MYO15B: variants seen among roughly 807,000 people sequenced by gnomAD.
The protein encoded by MYO15B is myosin XVB pseudogene.
Under a neutral mutation model 119.3 loss-of-function variants are expected in MYO15B, and 207 were observed. The ratio of observed to expected loss-of-function variants is 1.73; its 90% CI spans 1.55 to 1.95. The LOEUF (loss-of-function observed/expected upper bound fraction) is 1.95. Among genes scored for constraint, MYO15B ranks in the 30% most tolerant of loss-of-function variants. MYO15B has a pLI of 0.00. For missense variants in MYO15B, 2,264 were observed against 1,203.1 expected (o/e 1.88, Z -13.04); for synonymous variants, 966 against 498.9 (o/e 1.94, Z -12.48).
exon 20 of MYO15B, chr17:75,605,514 C>T (rs2057585173): frequency 1.4e-6 from 1 of 702,776 alleles, no homozygotes; most frequent in African/African-American, 1.7e-5. Context: ...CTTCCAGGCC[C>T]TGGGGTCAGA....
intron 29 of MYO15B, 71 bp from the exon 30 acceptor site, chr17:75,614,128 T>C (rs2058209528): frequency 1.5e-6 from 1 of 676,224 alleles, no homozygotes; most frequent in Non-Finnish European, 2.7e-6. Flanking sequence ...CCTGCCCCCT[T>C]GGCCCACCCT....
intron 1 of MYO15B, 186 bp from the exon 2 acceptor site, chr17:75,590,440 C>A (rs1341295250): frequency 5.0e-6 from 2 of 397,142 alleles, no homozygotes; most frequent in Admixed American, 4.4e-5. Flanking sequence ...TAGTACAAAG[C>A]TTCCTTCTGG....
chr17:75,614,736 C>T (rs1395088810), intron 31 of MYO15B, 37 bp from the exon 32 acceptor site: 7 of 702,624 alleles, frequency 1.0e-5, no homozygotes, highest in African/African-American at 5.2e-5. Flanking sequence ...AGCCCCACGC[C>T]CCGGGCCATG....
chr17:75,620,798 C>G, intron 49 of MYO15B, 162 bp downstream of exon 49: 1 of 701,818 alleles, frequency 1.4e-6, no homozygotes, highest in Non-Finnish European at 2.6e-6. Context: ...CCTTGTCTCT[C>G]CAGCAAGACT....
At chr17:75,588,241 A>C in exon 1 of MYO15B, 1 of 398,062 alleles carries the variant, frequency 2.5e-6, no homozygotes. Flanking sequence ...GGGCCAGGGA[A>C]CCCCTGGTGG....
chr17:75,617,775 C>T, intron 41 of MYO15B, 35 bp from the exon 42 acceptor site: 1 of 688,466 alleles, frequency 1.5e-6, no homozygotes. Flanking sequence ...TCTGCAGCCC[C>T]TCACTGAGGC....
At chr17:75,593,373 A>C (rs1448205372) in intron 9 of MYO15B, among the ~76,000 whole-genome samples, 1 of 152,016 alleles carries the variant, frequency 6.6e-6, no homozygotes, top group Non-Finnish European at 1.5e-5. Flanking sequence ...CAAGGCGAGC[A>C]GATCACTTGA....
At chr17:75,614,734 G>A (rs541164939) in intron 31 of MYO15B, 39 bp from the exon 32 acceptor site, 29 of 702,674 alleles carry the variant, frequency 4.1e-5, no homozygotes, top group East Asian at 1.1e-4. Flanking sequence ...GAAGCCCCAC[G>A]CCCCGGGCCA....
exon 6 of MYO15B, chr17:75,592,066 C>G (rs1339300346): frequency 1.4e-6 from 1 of 702,876 alleles, no homozygotes; most frequent in South Asian, 1.5e-5. Context: ...AGGTCTTCTG[C>G]CTCTACCTAC....
chr17:75,626,720 T>G (rs1169626103), exon 64 of MYO15B: 2 of 572,126 alleles, frequency 3.5e-6, no homozygotes, highest in Admixed American at 6.3e-5. Flanking sequence ...GGAACTCGGC[T>G]GGGGCACCTG....
chr17:75,602,563 TG>T lies in MYO15B; in HGVS notation c.3700del (p.Val1234TrpfsTer44), dbSNP rs2057352672. On this transcript the variant is annotated frameshift_variant, in exon 16 of 64. Coordinates refer to ENST00000645453, the Ensembl canonical transcript of MYO15B. LOFTEE classifies it high-confidence loss of function. ...AACCGGGATCAGCTGGACCCTGCTG[TG>T]GTGGAGATGCTTGGCCAGAGCCAGC... 1.4e-6 allele frequency: 1 copy of T among 691,450 alleles called. No homozygotes were observed. Among genetic ancestry groups the T allele is most frequent in the Non-Finnish European group, 2.6e-6 (1 of 378,438 alleles). 42.8% of individuals were successfully genotyped at this position (691,450 alleles called of 1,614,324 possible).
exon 34 of MYO15B, chr17:75,615,246 C>A (rs1163202907): frequency 1.4e-6 from 1 of 702,490 alleles, no homozygotes; most frequent in Non-Finnish European, 2.6e-6. Context: ...TCAGTGTACC[C>A]AGGAATGATT....
exon 37 of MYO15B, chr17:75,616,081 G>A (rs548338589): frequency 8.6e-6 from 5 of 579,466 alleles, no homozygotes; most frequent in Admixed American, 6.7e-5. Flanking sequence ...GACCTCCGAG[G>A]AGGCTGAAGA....
At chr17:75,594,816 C>T in intron 11 of MYO15B, 24 bp from the exon 12 acceptor site, 1 of 702,610 alleles carries the variant, frequency 1.4e-6, no homozygotes, top group Non-Finnish European at 2.6e-6. Flanking sequence ...CTCTATGTGG[C>T]TCACCCACCC....
chr17:75,605,502 A>T lies in MYO15B; in HGVS notation c.4017-2A>T, dbSNP rs2147895942. 4.3e-6 allele frequency: 3 copies of T among 702,046 alleles called. No homozygotes were observed. Among genetic ancestry groups the T allele is most frequent in the Middle Eastern group, 2.3e-4 (1 of 4,262 alleles). 43.5% of individuals were successfully genotyped at this position (702,046 alleles called of 1,614,324 possible). ...CTGATCTCAGCTCCATCCTTGGAGCAGCTTCCAGGCCCTGGGGTCAGAAGG... is the reference window on the plus strand; with the variant it reads ...CTGATCTCAGCTCCATCCTTGGAGCTGCTTCCAGGCCCTGGGGTCAGAAGG... On this transcript the variant is annotated splice_acceptor_variant, in intron 19 of 63. Coordinates refer to ENST00000645453, the Ensembl canonical transcript of MYO15B. LOFTEE classifies it high-confidence loss of function.
chr17:75,616,483 G>A, intron 38 of MYO15B, 37 bp downstream of exon 38: 1 of 677,292 alleles, frequency 1.5e-6, no homozygotes, highest in Non-Finnish European at 2.7e-6. Context: ...GGCTCCGGTG[G>A]CTCTGCACGC....
chr17:75,621,224 T>TGA (rs1324672353), intron 50 of MYO15B, 48 bp downstream of exon 50: 1 of 663,546 alleles, frequency 1.5e-6, no homozygotes, highest in Non-Finnish European at 2.8e-6. Flanking sequence ...TCAGTCTTCC[T>TGA]GAGAGAGAGC....
chr17:75,616,562 T>C (rs1380275515), exon 39 of MYO15B: 17 of 703,058 alleles, frequency 2.4e-5, no homozygotes, highest in African/African-American at 1.4e-4. Flanking sequence ...GAAGAAGCCA[T>C]TGAAGCAAGG....
exon 63 of MYO15B, chr17:75,626,168 C>A (rs1403282626): frequency 7.1e-6 from 5 of 703,070 alleles, no homozygotes; most frequent in Non-Finnish European, 1.3e-5. Flanking sequence ...GGCCCCCTGG[C>A]CTGGAAGTCA....
Sources: gnomAD v4.1 joint callset for allele counts (sites outside exome capture counted in the v4.1 genomes callset) on GRCh38, gnomAD v4.1.1 for gene constraint, MANE v1.5 for transcripts, NCBI Gene and HGNC (gene_info 2026-07-23, HGNC 2026-07-21) for gene names.